CFAP299: variants seen among roughly 807,000 people sequenced by gnomAD.
The protein encoded by CFAP299 is cilia- and flagella-associated protein 299.
Under a neutral mutation model 27.0 loss-of-function variants are expected in CFAP299, and 21 were observed. The observed-to-expected ratio is 0.78, with a 90% CI of 0.55 to 1.12. The LOEUF (loss-of-function observed/expected upper bound fraction) is 1.12. Ranked by LOEUF, CFAP299 falls within the 50% of genes most tolerant of loss-of-function variation. The pLI, the probability that CFAP299 is intolerant of heterozygous loss-of-function variation, is 0.00. For synonymous variants in CFAP299, 104 were observed against 98.1 expected (o/e 1.06, Z -0.36); for missense variants, 310 against 276.6 (o/e 1.12, Z -0.86).
intron 2 of CFAP299, among the ~76,000 whole-genome samples, chr4:80,498,207 T>C (rs1731558664): frequency 6.6e-6 from 1 of 152,002 alleles, no homozygotes; most frequent in East Asian, 1.9e-4. Context: ...TATGACTAAG[T>C]CCCTAAAAGC....
chr4:80,672,960 C>T (rs1461902208), intron 3 of CFAP299, among the ~76,000 whole-genome samples: 1 of 149,346 alleles, frequency 6.7e-6, no homozygotes, highest in East Asian at 2.0e-4. Context: ...AAAAAAACAG[C>T]TCCTGGATTC....
intron 4 of CFAP299, among the ~76,000 whole-genome samples, chr4:80,874,177 A>T (rs981613896): frequency 2.6e-5 from 4 of 152,330 alleles, no homozygotes; most frequent in Middle Eastern, 6.8e-3. Context: ...CTATTTTTAA[A>T]GTTATTAATG....
chr4:80,515,951 A>G (rs1481449677), intron 2 of CFAP299, among the ~76,000 whole-genome samples: 3 of 152,026 alleles, frequency 2.0e-5, no homozygotes, highest in Admixed American at 2.0e-4. Flanking sequence ...AGTACATTGC[A>G]TATGCATTAA....
At chr4:80,711,392 A>C (rs1281607214) in intron 3 of CFAP299, among the ~76,000 whole-genome samples, 1 of 152,180 alleles carries the variant, frequency 6.6e-6, no homozygotes, top group Non-Finnish European at 1.5e-5. Flanking sequence ...TAAGCTGCTG[A>C]TGAGAGCTGC....
intron 3 of CFAP299, among the ~76,000 whole-genome samples, chr4:80,657,497 T>C (rs1740618954): frequency 6.6e-6 from 1 of 152,140 alleles, no homozygotes; most frequent in African/African-American, 2.4e-5. Context: ...CCTTTCCCCA[T>C]TGCTTTTTTT....
At chr4:80,767,931 C>T (rs1397087810) in intron 3 of CFAP299, among the ~76,000 whole-genome samples, 1 of 152,068 alleles carries the variant, frequency 6.6e-6, no homozygotes, top group African/African-American at 2.4e-5. Context: ...TTTAATTGCC[C>T]AATATACTTC....
intron 3 of CFAP299, among the ~76,000 whole-genome samples, chr4:80,792,857 A>G (rs1422710220): frequency 1.3e-5 from 2 of 152,154 alleles, no homozygotes; most frequent in Non-Finnish European, 2.9e-5. Flanking sequence ...TGTAAGACAA[A>G]GGAAGACTTT....
intron 2 of CFAP299, among the ~76,000 whole-genome samples, chr4:80,562,590 G>A (rs1287062356): frequency 1.3e-5 from 2 of 151,034 alleles, no homozygotes; most frequent in African/African-American, 4.9e-5. Context: ...CCTGGGAGGT[G>A]GAGATTGCAG....
intron 3 of CFAP299, among the ~76,000 whole-genome samples, chr4:80,668,306 T>A (rs962226179): frequency 2.6e-5 from 4 of 152,162 alleles, no homozygotes; most frequent in African/African-American, 9.6e-5. Flanking sequence ...GCTTTTTAGT[T>A]TGATATAATC....
chr4:80,904,284 A>T (rs1006490649), intron 4 of CFAP299, among the ~76,000 whole-genome samples: 1 of 152,140 alleles, frequency 6.6e-6, no homozygotes, highest in Non-Finnish European at 1.5e-5. Context: ...TCCAGAGTCA[A>T]ATAAGATTGG....
chr4:80,586,917 A>G (rs551202520), intron 3 of CFAP299, among the ~76,000 whole-genome samples: 3 of 151,208 alleles, frequency 2.0e-5, no homozygotes, highest in African/African-American at 7.4e-5. Flanking sequence ...TGAAGCTAGT[A>G]AAAAAACATT....
chr4:80,433,380 C>T (rs770529725), intron 2 of CFAP299, among the ~76,000 whole-genome samples: 16 of 152,016 alleles, frequency 1.1e-4, no homozygotes, highest in Non-Finnish European at 1.9e-4. Flanking sequence ...TAGCTTAATT[C>T]TGCTCCTAAG....
At chr4:80,554,358 T>C (rs1734684766) in intron 2 of CFAP299, among the ~76,000 whole-genome samples, 1 of 152,126 alleles carries the variant, frequency 6.6e-6, no homozygotes, top group Non-Finnish European at 1.5e-5. Context: ...GTGCCTGTTT[T>C]TTCTACCAAT....
intron 3 of CFAP299, among the ~76,000 whole-genome samples, chr4:80,654,237 G>A (rs1740447470): frequency 6.6e-6 from 1 of 152,104 alleles, no homozygotes; most frequent in East Asian, 1.9e-4. Context: ...GTTCAAAATA[G>A]ATAAAGTGCA....
intron 3 of CFAP299, among the ~76,000 whole-genome samples, chr4:80,829,218 A>G (rs185210460): frequency 2.0e-5 from 3 of 152,212 alleles, no homozygotes; most frequent in African/African-American, 7.2e-5. Context: ...GTGAATTTCT[A>G]AAACTCAACA....
intron 3 of CFAP299, among the ~76,000 whole-genome samples, chr4:80,644,480 A>T (rs143408741): frequency 1.3e-5 from 2 of 152,170 alleles, no homozygotes; most frequent in Non-Finnish European, 2.9e-5. Context: ...CCTAGACCTA[A>T]CAATTTCATT....
At chr4:80,855,572 A>G (rs1275584333) in intron 3 of CFAP299, among the ~76,000 whole-genome samples, 1 of 151,948 alleles carries the variant, frequency 6.6e-6, no homozygotes, top group Non-Finnish European at 1.5e-5. Flanking sequence ...CCAACCCACA[A>G]CAGTCCCCAG....
intron 3 of CFAP299, among the ~76,000 whole-genome samples, chr4:80,788,798 T>C (rs1727388781): frequency 6.6e-6 from 1 of 152,018 alleles, no homozygotes; most frequent in Non-Finnish European, 1.5e-5. Flanking sequence ...AGAAGACACA[T>C]AATCGGCCTC....
rs868288390 is a variant in CFAP299 at position 80,390,887 on chromosome 4, A to T, written c.242+28003A>T. 4.1e-3 allele frequency among the ~76,000 whole-genome samples: 258 copies of T among 63,160 alleles called. 18 individuals are homozygous for T. Among genetic ancestry groups the T allele is most frequent in the African/African-American group, 9.3e-3 (242 of 26,094 alleles). 41.4% of individuals were successfully genotyped at this position (63,160 alleles called of 152,430 possible). On this transcript the variant is annotated intron_variant, in intron 2 of 5. Coordinates refer to ENST00000358105, the MANE Select transcript of CFAP299 (RefSeq NM_152770.3). Reference sequence around the variant, plus strand: ...TATGCGCACATATATGTATATATGTATATACACACATATGCATATATGTAT... The same window carrying T: ...TATGCGCACATATATGTATATATGTTTATACACACATATGCATATATGTAT...
Sources: gnomAD v4.1 joint callset for allele counts (sites outside exome capture counted in the v4.1 genomes callset) on GRCh38, gnomAD v4.1.1 for gene constraint, MANE v1.5 for transcripts, NCBI Gene and HGNC (gene_info 2026-07-23, HGNC 2026-07-21) for gene names.